PPFIA2: variants seen among roughly 807,000 people sequenced by gnomAD.
PPFIA2 encodes liprin-alpha-2.
A neutral mutation model predicts 175.5 loss-of-function variants in PPFIA2; 46 were observed. The ratio of observed to expected loss-of-function variants is 0.26; its 90% confidence interval spans 0.21 to 0.34. The LOEUF (loss-of-function observed/expected upper bound fraction) is 0.34. Among genes scored for constraint, PPFIA2 ranks in the 10% least tolerant of loss-of-function variants. The pLI is 1.00. For missense variants in PPFIA2, 1,179 were observed against 1,506.1 expected, an observed-to-expected ratio of 0.78 and a Z score of 3.60; for synonymous variants, 568 against 511.4, an observed-to-expected ratio of 1.11 and a Z score of -1.49.
chr12:81,562,663 C>T (rs1473119602), intron 4 of PPFIA2, among the ~76,000 whole-genome samples: 3 of 150,548 alleles, frequency 2.0e-5, no homozygotes, highest in African/African-American at 4.9e-5. Flanking sequence ...CCGGCTAAAA[C>T]GGTGAAACCC....
chr12:81,741,712 C>T (rs1847002980), intron 3 of PPFIA2, among the ~76,000 whole-genome samples: 1 of 151,888 alleles, frequency 6.6e-6, no homozygotes, highest in Admixed American at 6.6e-5. Flanking sequence ...ATTTATCCTT[C>T]CAATGTGGCC....
intron 21 of PPFIA2, among the ~76,000 whole-genome samples, chr12:81,327,417 T>G (rs2055038085): frequency 6.6e-6 from 1 of 152,162 alleles, no homozygotes; most frequent in South Asian, 2.1e-4. Flanking sequence ...TTTTCCATTA[T>G]GTACAGTGAG....
chr12:81,687,800 C>G (rs1467156611), intron 3 of PPFIA2, among the ~76,000 whole-genome samples: 1 of 151,584 alleles, frequency 6.6e-6, no homozygotes, highest in Non-Finnish European at 1.5e-5. Context: ...TCATGGAAAG[C>G]TACCTATTGA....
In PPFIA2 at chr12:81,759,277, A is replaced by G. The variant is rs2085161783; in HGVS notation, c.-111+3T>C. On this transcript the variant is annotated splice_donor_region_variant and intron_variant, in intron 1 of 32. Coordinates refer to ENST00000549396, the MANE Select transcript of PPFIA2 (RefSeq NM_003625.5). ...CTTGCTTCAATTGGCCGGAAGAACC[A>G]ACCTGCTGGCAGCCGGTGAGGACGC... 1 of 150,856 alleles carries G rather than the reference A, an allele frequency of 6.6e-6. No individual in the cohort carries two copies. Among genetic ancestry groups the G allele is most frequent in the Non-Finnish European group, 1.5e-5 (1 of 67,878 alleles). The allele number at this position is 150,856 out of a possible 1,614,324, so 9.3% of individuals were successfully genotyped here. A position where few individuals can be genotyped will look rare whatever the true frequency, so the allele number is the denominator to read the frequency against.
At chr12:81,716,118 A>C (rs181736356) in intron 3 of PPFIA2, among the ~76,000 whole-genome samples, 180 of 151,730 alleles carry the variant, frequency 1.2e-3, no homozygotes, top group Non-Finnish European at 1.9e-3. Flanking sequence ...TTGTTCATTT[A>C]TTACCATTAA....
intron 4 of PPFIA2, among the ~76,000 whole-genome samples, chr12:81,610,836 A>AT (rs2060824238): frequency 6.6e-6 from 1 of 152,126 alleles, no homozygotes; most frequent in African/African-American, 2.4e-5. Flanking sequence ...ATTCTTTCTC[A>AT]TCAGAGAGTT....
intron 4 of PPFIA2, among the ~76,000 whole-genome samples, chr12:81,617,870 G>A (rs2061565450): frequency 6.6e-6 from 1 of 152,184 alleles, no homozygotes; most frequent in Admixed American, 6.5e-5. Flanking sequence ...GTAGTGGGGA[G>A]AAGTGCAGAA....
intron 4 of PPFIA2, among the ~76,000 whole-genome samples, chr12:81,547,492 C>T (rs963439290): frequency 6.6e-6 from 1 of 152,232 alleles, no homozygotes; most frequent in Non-Finnish European, 1.5e-5. Context: ...TCTCCTGCCT[C>T]AGGTTCCTGA....
At chr12:81,421,027 G>C (rs1216723465) in intron 7 of PPFIA2, among the ~76,000 whole-genome samples, 2 of 152,054 alleles carry the variant, frequency 1.3e-5, no homozygotes, top group African/African-American at 4.8e-5. Flanking sequence ...TCAAAGTACT[G>C]AAAGAAAATA....
At chr12:81,548,393 A>G (rs1241736355) in intron 4 of PPFIA2, among the ~76,000 whole-genome samples, 2 of 152,168 alleles carry the variant, frequency 1.3e-5, no homozygotes, top group Non-Finnish European at 2.9e-5. Flanking sequence ...AGCCATCAAG[A>G]AGTCTGCTTG....
intron 7 of PPFIA2, among the ~76,000 whole-genome samples, chr12:81,421,269 G>A (rs1247591479): frequency 2.0e-5 from 3 of 151,972 alleles, no homozygotes; most frequent in African/African-American, 7.2e-5. Context: ...AGAAATGGAG[G>A]TTAAAGTAAC....
chr12:81,325,448 TG>T (rs1414094747), intron 22 of PPFIA2, among the ~76,000 whole-genome samples: 1 of 152,126 alleles, frequency 6.6e-6, no homozygotes, highest in African/African-American at 2.4e-5. Flanking sequence ...CAAAGCTAGA[TG>T]GTATAATCTC....
At chr12:81,390,876 T>C (rs754829164) in intron 8 of PPFIA2, among the ~76,000 whole-genome samples, 1 of 151,684 alleles carries the variant, frequency 6.6e-6, no homozygotes, top group East Asian at 1.9e-4. Flanking sequence ...GTCATAAAGA[T>C]TTTCAATTTT....
intron 4 of PPFIA2, among the ~76,000 whole-genome samples, chr12:81,646,027 C>T (rs889568796): frequency 6.6e-5 from 10 of 152,136 alleles, no homozygotes; most frequent in Non-Finnish European, 5.9e-5. Flanking sequence ...TTCCATAAGA[C>T]GCAGGCAAAG....
intron 3 of PPFIA2, among the ~76,000 whole-genome samples, chr12:81,728,974 A>G (rs2080460091): frequency 6.6e-6 from 1 of 151,458 alleles, no homozygotes; most frequent in African/African-American, 2.4e-5. Flanking sequence ...AAGATAATAA[A>G]ACCACATATT....
At chr12:81,539,752 C>T (rs185233698) in intron 4 of PPFIA2, among the ~76,000 whole-genome samples, 28 of 152,014 alleles carry the variant, frequency 1.8e-4, no homozygotes, top group East Asian at 1.4e-3. Flanking sequence ...AGATACAGAA[C>T]GAAGCAGTCC....
rs1395621419 is a variant in PPFIA2, at chr12:81,442,899, AGT to A, written c.570+2655_570+2656del. ...TATATATATATATATATATATATAT[AGT>A]ATTACTTGTTTATATATCTATATCC... is the stretch of plus-strand genomic sequence containing the variant. On this transcript the variant is annotated intron_variant, in intron 6 of 32. Coordinates refer to ENST00000549396, the MANE Select transcript of PPFIA2 (RefSeq NM_003625.5). Among the ~76,000 whole-genome samples the A allele has an allele frequency of 1.6e-4, 13 of 81,436 alleles. 2 individuals carry two copies. The highest frequency in any genetic ancestry group is 6.2e-4 in the African/African-American group (13 of 20,938). 53.4% of individuals were successfully genotyped at this position (81,436 alleles called of 152,430 possible).
intron 3 of PPFIA2, among the ~76,000 whole-genome samples, chr12:81,703,257 C>T (rs118172679): frequency 0.017 from 2,538 of 152,230 alleles, 40 homozygotes; most frequent in Non-Finnish European, 0.024. Context: ...TCTTATTAGA[C>T]ATCTCACAGA....
At chr12:81,314,840 T>C (rs1288897350) in intron 22 of PPFIA2, among the ~76,000 whole-genome samples, 1 of 151,116 alleles carries the variant, frequency 6.6e-6, no homozygotes, top group African/African-American at 2.4e-5. Context: ...TAATGGCTGG[T>C]AACTGAAATG....
Sources: allele counts gnomAD v4.1 joint callset (sites outside exome capture counted in the v4.1 genomes callset), GRCh38; gene constraint gnomAD v4.1.1; transcripts MANE v1.5; gene names NCBI Gene and HGNC (gene_info 2026-07-23, HGNC 2026-07-21).